Variants in PRUNE2 observed in about 807,000 individuals in gnomAD.
The protein encoded by PRUNE2 is prune homolog 2 with BCH domain.
PRUNE2 carries 164 observed loss-of-function variants against 252.0 expected under a neutral mutation model. That is an observed-to-expected ratio of 0.65 (90% CI 0.57 to 0.74). PRUNE2 has a LOEUF of 0.74. Among genes scored for constraint, PRUNE2 ranks in the 30% least tolerant of loss-of-function variants. The pLI is 0.00. For synonymous variants in PRUNE2, 1,292 were observed against 1,350.2 expected (o/e 0.96, Z 0.94); for missense variants, 3,495 against 3,711.0 (o/e 0.94, Z 1.51).
At chr9:76,775,230 A>G (rs2053605147) in intron 6 of PRUNE2, among the ~76,000 whole-genome samples, 1 of 152,222 alleles carries the variant, frequency 6.6e-6, no homozygotes, top group South Asian at 2.1e-4. Context: ...ATAAATGAAA[A>G]CATCCAGCTA....
At chr9:76,638,596 G>A (rs150058691) in intron 12 of PRUNE2, among the ~76,000 whole-genome samples, 3,690 of 151,966 alleles carry the variant, frequency 0.024, 161 homozygotes, top group African/African-American at 0.084. Flanking sequence ...GTAAATATTC[G>A]ACATCACAAA....
At chr9:76,753,339 T>C (rs562859467) in intron 6 of PRUNE2, among the ~76,000 whole-genome samples, 2 of 106,544 alleles carry the variant, frequency 1.9e-5, no homozygotes, top group African/African-American at 8.4e-5. Flanking sequence ...AAATATGTTT[T>C]AAGCATATTT....
chr9:76,812,179 C>T (rs1373311524), intron 6 of PRUNE2, among the ~76,000 whole-genome samples: 2 of 152,158 alleles, frequency 1.3e-5, no homozygotes, highest in African/African-American at 4.8e-5. Flanking sequence ...TAGAAGAGAG[C>T]AGAGAGCTGG....
At chr9:76,840,262 C>A (rs941073020) in intron 4 of PRUNE2, among the ~76,000 whole-genome samples, 1 of 152,144 alleles carries the variant, frequency 6.6e-6, no homozygotes, top group African/African-American at 2.4e-5. Flanking sequence ...CAACTTTTTG[C>A]ATATCAAGGA....
chr9:76,728,012 C>G (rs2048269675), intron 6 of PRUNE2, among the ~76,000 whole-genome samples: 1 of 152,058 alleles, frequency 6.6e-6, no homozygotes, highest in Admixed American at 6.6e-5. Flanking sequence ...CCCCCGACGC[C>G]TGGCCTTAAA....
chr9:76,788,076 A>G (rs1383675596), intron 6 of PRUNE2, among the ~76,000 whole-genome samples: 1 of 152,136 alleles, frequency 6.6e-6, no homozygotes, highest in Non-Finnish European at 1.5e-5. Flanking sequence ...ATTACCAGCA[A>G]CTAAAGTTCT....
At chr9:76,899,117 C>T (rs1046927187) in intron 1 of PRUNE2, among the ~76,000 whole-genome samples, 3 of 152,210 alleles carry the variant, frequency 2.0e-5, no homozygotes, top group Non-Finnish European at 4.4e-5. Flanking sequence ...CAGCAAGAGA[C>T]TAGGCTGGGC....
chr9:76,680,032 T>C (rs1431380075), intron 9 of PRUNE2, among the ~76,000 whole-genome samples: 2 of 152,174 alleles, frequency 1.3e-5, no homozygotes, highest in Non-Finnish European at 2.9e-5. Context: ...TAAAACCTTC[T>C]GTGCATCAAA....
chr9:76,801,670 TATA>T (rs1180123820), intron 6 of PRUNE2, among the ~76,000 whole-genome samples: 1 of 152,174 alleles, frequency 6.6e-6, no homozygotes, highest in Admixed American at 6.5e-5. Flanking sequence ...ACCTTGTGGA[TATA>T]ATAATAAGTA....
At chr9:76,733,549 C>G (rs775325915) in intron 6 of PRUNE2, 1 of 152,106 alleles carries the variant, frequency 6.6e-6, no homozygotes, top group African/African-American at 2.4e-5. Context: ...GCTGGGACTA[C>G]AGGCACGCCT....
intron 12 of PRUNE2, among the ~76,000 whole-genome samples, chr9:76,643,629 A>G (rs754970498): frequency 1.4e-4 from 22 of 152,204 alleles, no homozygotes; most frequent in Non-Finnish European, 2.6e-4. Flanking sequence ...TCAGCGGGGC[A>G]TATTTCCATT....
chr9:76,647,823 A>G (rs1386295868), intron 11 of PRUNE2, among the ~76,000 whole-genome samples: 1 of 152,098 alleles, frequency 6.6e-6, no homozygotes, highest in Non-Finnish European at 1.5e-5. Context: ...TTAGCTGCGC[A>G]TGGTGGCATG....
intron 6 of PRUNE2, chr9:76,779,704 C>G (rs1223730383): frequency 2.0e-5 from 3 of 152,208 alleles, no homozygotes; most frequent in African/African-American, 7.2e-5. Flanking sequence ...TCAGTCCTGA[C>G]TGTGGGCTCA....
At chr9:76,631,453 A>G (rs999138612) in intron 15 of PRUNE2, among the ~76,000 whole-genome samples, 10 of 152,186 alleles carry the variant, frequency 6.6e-5, no homozygotes, top group African/African-American at 2.4e-4. Flanking sequence ...TCCTTCTGCA[A>G]AGCCTCTCTT....
At chr9:76,756,223 G>A (rs972178333) in intron 6 of PRUNE2, among the ~76,000 whole-genome samples, 2 of 152,194 alleles carry the variant, frequency 1.3e-5, no homozygotes, top group Admixed American at 6.5e-5. Flanking sequence ...AAAAGGAACT[G>A]CTTTTTTAAG....
At chr9:76,799,211 C>T (rs925827106) in intron 6 of PRUNE2, among the ~76,000 whole-genome samples, 2 of 152,030 alleles carry the variant, frequency 1.3e-5, no homozygotes, top group African/African-American at 4.8e-5. Context: ...TGTGGTGGCA[C>T]ATGCCTGTAA....
At chr9:76,732,133 T>C (rs1376603177) in intron 6 of PRUNE2, among the ~76,000 whole-genome samples, 1 of 152,056 alleles carries the variant, frequency 6.6e-6, no homozygotes, top group African/African-American at 2.4e-5. Context: ...GCTAACATGG[T>C]GAAACCCTGT....
rs372779290 is a variant in PRUNE2, at chr9:76,825,803, A to G, written c.661+777T>C. On this transcript the variant is annotated intron_variant, in intron 5 of 18. Coordinates refer to ENST00000376718, the MANE Select transcript of PRUNE2 (RefSeq NM_015225.3). Reference sequence around the variant, plus strand: ...CCTGTATACAGTAGGTATCCAGTGAATTATAGCCTTTTGTTATTGTAAAAC... The same window carrying G: ...CCTGTATACAGTAGGTATCCAGTGAGTTATAGCCTTTTGTTATTGTAAAAC... Among the ~76,000 whole-genome samples, 29 of 152,310 alleles carry G rather than the reference A, an allele frequency of 1.9e-4. No individual in the cohort carries two copies. In the East Asian group the frequency reaches 2.5e-3, roughly 13 times the overall value.
intron 6 of PRUNE2, among the ~76,000 whole-genome samples, chr9:76,760,623 G>GC (rs1286433058): frequency 6.6e-6 from 1 of 152,022 alleles, no homozygotes; most frequent in African/African-American, 2.4e-5. Flanking sequence ...TTAGCCAAAA[G>GC]CCCCCCAAAA....
Sources: gnomAD v4.1 joint callset for allele counts (sites outside exome capture counted in the v4.1 genomes callset) on GRCh38, gnomAD v4.1.1 for gene constraint, MANE v1.5 for transcripts, NCBI Gene and HGNC (gene_info 2026-07-23, HGNC 2026-07-21) for gene names.